The following TRAPPC10 variants were observed in gnomAD, a reference collection of about 807,000 sequenced individuals.
The protein encoded by TRAPPC10 is TRAPP 130 kDa subunit.
A neutral mutation model predicts 125.5 loss-of-function variants in TRAPPC10; 23 were observed. The observed-to-expected ratio is 0.18, with a 90% CI of 0.13 to 0.26. The LOEUF (loss-of-function observed/expected upper bound fraction) is 0.26. Ranked by LOEUF, TRAPPC10 falls within the 10% of genes least tolerant of loss-of-function variation. TRAPPC10 has a pLI of 1.00. For synonymous variants in TRAPPC10, 509 were observed against 518.0 expected (o/e 0.98, Z 0.24); for missense variants, 1,123 against 1,308.4 (o/e 0.86, Z 2.19).
chr21:44,083,362 C>A, intron 14 of TRAPPC10, 60 bp downstream of exon 14: 1 of 1,559,942 alleles, frequency 6.4e-7, no homozygotes, highest in South Asian at 1.2e-5. Context: ...GTGGAGCTTA[C>A]AAGAACTGTC....
chr21:44,075,087 A>G lies in TRAPPC10; in HGVS notation c.1234A>G (p.Asn412Asp). The change falls in exon 9 of 23, where the codon AAC becomes GAC. Residue 412 changes from asparagine to aspartate, a missense_variant. Physicochemically the swap from Asn to Asp is conservative, Grantham distance 23. Transcript: ENST00000291574. ...TGGACTTGTGTCAGAGAAAGGACCT[A>G]ACTCAGAAGATCTCAACAGGACAGT... ...LCGLVSEKGP[N>D]SEDLNRTVDL... The G allele has an allele frequency of 6.2e-7, 1 of 1,614,230 alleles. No individual in the cohort carries two copies. The highest frequency in any genetic ancestry group is 8.5e-7 in the Non-Finnish European group (1 of 1,180,014).
At chr21:44,089,728 G>A in intron 17 of TRAPPC10, 105 bp from the exon 18 acceptor site, 6 of 788,870 alleles carry the variant, frequency 7.6e-6, no homozygotes, top group Non-Finnish European at 1.3e-5. Context: ...ATAATAAAAT[G>A]TCTAGGGCGT....
chr21:44,060,597 A>G (rs1051904725), intron 6 of TRAPPC10, among the ~76,000 whole-genome samples: 3 of 149,538 alleles, frequency 2.0e-5, no homozygotes, highest in African/African-American at 7.4e-5. Context: ...TATTATACAA[A>G]CATATCTATT....
intron 19 of TRAPPC10, among the ~76,000 whole-genome samples, chr21:44,093,449 G>C (rs569852245): frequency 2.9e-4 from 41 of 143,366 alleles, no homozygotes; most frequent in Non-Finnish European, 9.2e-5. Context: ...GTGAGACCCT[G>C]TCTCTAAAAA....
At chr21:44,020,612 C>T (rs117821025) in intron 1 of TRAPPC10, among the ~76,000 whole-genome samples, 4,863 of 151,600 alleles carry the variant, frequency 0.032, 123 homozygotes, top group Non-Finnish European at 0.049. Context: ...CCAGTCTGGG[C>T]GACAGAGTGA....
chr21:44,095,885 T>A (rs1242402470), intron 20 of TRAPPC10, among the ~76,000 whole-genome samples: 3 of 151,246 alleles, frequency 2.0e-5, no homozygotes, highest in Non-Finnish European at 4.4e-5. Flanking sequence ...CGGGTTTGTA[T>A]GTTGCTGTAT....
intron 17 of TRAPPC10, chr21:44,088,511 C>T (rs772686555): frequency 2.0e-4 from 32 of 157,412 alleles, no homozygotes; most frequent in Non-Finnish European, 3.2e-4. Context: ...CCGCAGTATA[C>T]GCCCAAGAGC....
intron 1 of TRAPPC10, among the ~76,000 whole-genome samples, chr21:44,022,019 A>AT (rs1037720214): frequency 4.8e-5 from 7 of 146,746 alleles, no homozygotes; most frequent in Non-Finnish European, 7.5e-5. Flanking sequence ...AGTCTATGGC[A>AT]TTTTTTTTTC....
At chr21:44,032,851 A>G (rs1345503018) in intron 2 of TRAPPC10, among the ~76,000 whole-genome samples, 1 of 152,234 alleles carries the variant, frequency 6.6e-6, no homozygotes, top group Non-Finnish European at 1.5e-5. Flanking sequence ...CTCCACCTTA[A>G]AGCGGAAGAA....
At chr21:44,088,002 A>G in intron 17 of TRAPPC10, 74 bp downstream of exon 17, 3 of 1,314,144 alleles carry the variant, frequency 2.3e-6, no homozygotes, top group Non-Finnish European at 3.2e-6. Context: ...AAGGCGATGT[A>G]GCGATGCCTG....
intron 3 of TRAPPC10, among the ~76,000 whole-genome samples, chr21:44,043,459 G>A (rs188285042): frequency 2.6e-5 from 4 of 152,064 alleles, no homozygotes; most frequent in Non-Finnish European, 2.9e-5. Flanking sequence ...TGATCCACCC[G>A]CCTCGGCATC....
intron 3 of TRAPPC10, among the ~76,000 whole-genome samples, chr21:44,051,503 G>A (rs2145832099): frequency 6.6e-6 from 1 of 152,334 alleles, no homozygotes; most frequent in East Asian, 1.9e-4. Flanking sequence ...CAGGCAAAGT[G>A]TCTGTTTTCC....
At chr21:44,092,503 G>A (rs971537445) in intron 19 of TRAPPC10, among the ~76,000 whole-genome samples, 3 of 152,180 alleles carry the variant, frequency 2.0e-5, no homozygotes, top group Admixed American at 2.0e-4. Flanking sequence ...TCTTGAACTT[G>A]CTTTTTCCGT....
Position 44,063,193 on chromosome 21 carries a change from G to A in TRAPPC10, c.791-345G>A, listed in dbSNP as rs936281675. On this transcript the variant is annotated intron_variant, in intron 6 of 22. Coordinates refer to ENST00000291574, the MANE Select transcript of TRAPPC10 (RefSeq NM_003274.5). The surrounding 1 kb of genome is among the most constrained non-coding windows in gnomAD (Gnocchi z 4.4). ...GGTAAAGATAAGGAAGCCCAGCCCC[G>A]CTGCAGCCTAAGACTAGAGCCCTCC... 1.0e-5 allele frequency: 13 copies of A among 1,283,466 alleles called. No individual in the cohort carries two copies. The highest frequency in any genetic ancestry group is 1.5e-5 in the African/African-American group (1 of 65,032). The allele number at this position is 1,283,466 out of a possible 1,614,324, so 79.5% of individuals were successfully genotyped here.
At chr21:44,076,731 CCTT>C (rs2037312884) in intron 10 of TRAPPC10, 103 bp downstream of exon 10, 2 of 948,792 alleles carry the variant, frequency 2.1e-6, no homozygotes, top group East Asian at 2.6e-5. Context: ...GTGGGGGGCC[CCTT>C]CTTGTTGGTT....
At chr21:44,067,042 GTT>G (rs1569188846) in intron 7 of TRAPPC10, among the ~76,000 whole-genome samples, 1 of 152,192 alleles carries the variant, frequency 6.6e-6, no homozygotes, top group East Asian at 1.9e-4. Flanking sequence ...TTTGGAATGT[GTT>G]TCATTCAGCG....
chr21:44,031,446 A>G (rs578240911), intron 1 of TRAPPC10, among the ~76,000 whole-genome samples: 4 of 152,372 alleles, frequency 2.6e-5, no homozygotes, highest in African/African-American at 9.6e-5. Context: ...TGCAGCGTAA[A>G]GTCGGCCGCA....
rs530161126 is a variant in TRAPPC10, at chr21:44,094,722, A to G, written c.3168+489A>G. ...CCAATTTGAGTGTGGAATGAAGAGT[A>G]GCCTTGAGCTAGGTGAGTAGATACA... On this transcript the variant is annotated intron_variant, in intron 20 of 22. Transcript: ENST00000291574. Among the ~76,000 whole-genome samples, 8 of 152,340 alleles carry G rather than the reference A, an allele frequency of 5.3e-5. No individual in the cohort carries two copies. In the South Asian group the frequency reaches 1.7e-3, roughly 32 times the overall value.
At chr21:44,050,917 T>G (rs2035188792) in intron 3 of TRAPPC10, among the ~76,000 whole-genome samples, 2 of 152,238 alleles carry the variant, frequency 1.3e-5, no homozygotes, top group Non-Finnish European at 1.5e-5. Flanking sequence ...TAATATTTTT[T>G]TTTTGGAGAC....
Sources: gnomAD v4.1 joint callset for allele counts (sites outside exome capture counted in the v4.1 genomes callset) on GRCh38, gnomAD v4.1.1 for gene constraint, Gnocchi (gnomAD v3.1) non-coding constraint, MANE v1.5 for transcripts, NCBI Gene and HGNC (gene_info 2026-07-23, HGNC 2026-07-21) for gene names.